The following MCC variants were observed in gnomAD, a reference collection of about 807,000 sequenced individuals.
MCC encodes the protein colorectal mutant cancer protein.
MCC carries 90 observed loss-of-function variants against 116.2 expected under a neutral mutation model. The observed-to-expected ratio is 0.77, with a 90% CI of 0.65 to 0.92. The LOEUF (loss-of-function observed/expected upper bound fraction) is 0.92. MCC is among the 40% of genes least tolerant of loss of function. The pLI, the probability that MCC is intolerant of heterozygous loss-of-function variation, is 0.00. For synonymous variants in MCC, 578 were observed against 510.5 expected (o/e 1.13, Z -1.78); for missense variants, 1,516 against 1,312.2 (o/e 1.16, Z -2.40).
intron 3 of MCC, among the ~76,000 whole-genome samples, chr5:113,247,966 C>A (rs1764638565): frequency 6.6e-6 from 1 of 152,030 alleles, no homozygotes; most frequent in Non-Finnish European, 1.5e-5. Context: ...AAGAGCCTAA[C>A]CTTGAGGGTG....
intron 3 of MCC, among the ~76,000 whole-genome samples, chr5:113,255,703 A>G (rs1410989042): frequency 6.6e-6 from 1 of 152,176 alleles, no homozygotes; most frequent in Non-Finnish European, 1.5e-5. Context: ...TTTCCCACAG[A>G]GCTTTCACTT....
At chr5:113,168,249 G>C (rs1333991548) in intron 3 of MCC, among the ~76,000 whole-genome samples, 1 of 152,150 alleles carries the variant, frequency 6.6e-6, no homozygotes, top group Non-Finnish European at 1.5e-5. Flanking sequence ...GGCAACTAGA[G>C]AGCCATAAAG....
chr5:113,141,934 C>T (rs1382592605), intron 5 of MCC, among the ~76,000 whole-genome samples: 1 of 152,184 alleles, frequency 6.6e-6, no homozygotes, highest in Non-Finnish European at 1.5e-5. Flanking sequence ...GTGTCCTATG[C>T]CAGGCTCCTT....
In MCC at chr5:113,456,315, G is replaced by C. The variant is rs1447822003; in HGVS notation, c.170+31930C>G. ...AGGGGAAATTAAATCCTTTTATATGGGTCGAGTATCTTTTATCTAAAATGC... is the reference window on the plus strand; with the variant it reads ...AGGGGAAATTAAATCCTTTTATATGCGTCGAGTATCTTTTATCTAAAATGC... On this transcript the variant is annotated intron_variant, in intron 1 of 18. Transcript: ENST00000408903. Among the ~76,000 whole-genome samples, 3 of 152,074 alleles carry C rather than the reference G, an allele frequency of 2.0e-5. No homozygotes were observed. In the South Asian group the frequency reaches 6.2e-4, roughly 31 times the overall value.
At chr5:113,142,726 A>C (rs1344883885) in intron 5 of MCC, among the ~76,000 whole-genome samples, 1 of 152,214 alleles carries the variant, frequency 6.6e-6, no homozygotes, top group African/African-American at 2.4e-5. Flanking sequence ...TCAAAATATA[A>C]TCAGATTATC....
chr5:113,262,086 T>C (rs906208078), intron 3 of MCC, among the ~76,000 whole-genome samples: 1 of 152,130 alleles, frequency 6.6e-6, no homozygotes, highest in African/African-American at 2.4e-5. Context: ...AGCTTTTTTT[T>C]AATTTTTATT....
chr5:113,400,244 T>C (rs1769647099), intron 1 of MCC, among the ~76,000 whole-genome samples: 1 of 146,282 alleles, frequency 6.8e-6, no homozygotes, highest in African/African-American at 2.5e-5. Context: ...CGCCTCAGCC[T>C]CCCGAGTAGC....
rs141608272 is a variant in MCC at position 113,047,157 on chromosome 5, TTC to T, written c.2655+1934_2655+1935del. 8.0e-3 allele frequency among the ~76,000 whole-genome samples: 1,223 copies of T among 152,324 alleles called. 14 individuals carry two copies. Among genetic ancestry groups the T allele is most frequent in the African/African-American group, 0.027 (1,132 of 41,572 alleles). On this transcript the variant is annotated intron_variant, in intron 16 of 18. Coordinates refer to ENST00000408903, the MANE Select transcript of MCC (RefSeq NM_001085377.2). ...TCCCAAGTGGACATTTGTGTCTGGCTTCTGTCCTCCCATGGTGCTAAGAATTC... is the reference window on the plus strand; with the variant it reads ...TCCCAAGTGGACATTTGTGTCTGGCTTGTCCTCCCATGGTGCTAAGAATTC...
At chr5:113,218,386 A>G (rs1237405188) in intron 3 of MCC, among the ~76,000 whole-genome samples, 1 of 152,128 alleles carries the variant, frequency 6.6e-6, no homozygotes, top group Non-Finnish European at 1.5e-5. Flanking sequence ...AGGCAAGGGT[A>G]AAGGGCACCT....
chr5:113,371,495 A>G (rs1051628606), intron 2 of MCC, among the ~76,000 whole-genome samples: 3 of 152,240 alleles, frequency 2.0e-5, no homozygotes, highest in Non-Finnish European at 4.4e-5. Flanking sequence ...AATAAATCTG[A>G]CACGGTAATA....
chr5:113,110,154 G>A lies in MCC; in HGVS notation c.1028-5799C>T, dbSNP rs371218787. On this transcript the variant is annotated intron_variant, in intron 6 of 18. Transcript: ENST00000408903. ...AAAGGAAACTGTTCTACATCCAGGA[G>A]ACAGAGAGGAGGCCTTTGGTAGCAA... 3.9e-4 allele frequency among the ~76,000 whole-genome samples: 59 copies of A among 152,214 alleles called. No homozygotes were observed. In the East Asian group the frequency reaches 8.7e-3, roughly 22 times the overall value.
chr5:113,382,778 G>A (rs770398358), intron 2 of MCC, among the ~76,000 whole-genome samples: 4 of 152,098 alleles, frequency 2.6e-5, no homozygotes, highest in Non-Finnish European at 5.9e-5. Context: ...TGAGGAAAAT[G>A]AGACACAGAG....
At chr5:113,211,769 T>A (rs1179797005) in intron 3 of MCC, among the ~76,000 whole-genome samples, 3 of 152,206 alleles carry the variant, frequency 2.0e-5, no homozygotes, top group African/African-American at 7.2e-5. Context: ...CTCCCCTTAA[T>A]TAAAAATAAA....
chr5:113,096,953 G>C (rs926480266), intron 8 of MCC, among the ~76,000 whole-genome samples: 4 of 152,294 alleles, frequency 2.6e-5, no homozygotes, highest in African/African-American at 4.8e-5. Flanking sequence ...CATGCAGCTA[G>C]ATGACAGCTG....
At chr5:113,162,968 A>G (rs1441930308) in intron 3 of MCC, among the ~76,000 whole-genome samples, 1 of 152,222 alleles carries the variant, frequency 6.6e-6, no homozygotes, top group Non-Finnish European at 1.5e-5. Flanking sequence ...CCTAGATCAC[A>G]TTAATCAGAG....
chr5:113,122,831 G>A lies in MCC; in HGVS notation c.885-5C>T. The stretch of plus-strand genomic sequence containing the variant: ...TCTGAGTACTCATCTTCCTCCCTGA[G>A]AAAAAAGGAGAATTGGCAACCACTA... On this transcript the variant is annotated splice_polypyrimidine_tract_variant and splice_region_variant and intron_variant, in intron 5 of 18. Transcript: ENST00000408903. 1.9e-6 allele frequency: 3 copies of A among 1,613,258 alleles called. No individual in the cohort carries two copies. The highest frequency in any genetic ancestry group is 2.5e-6 in the Non-Finnish European group (3 of 1,179,696).
At chr5:113,235,847 A>T (rs1372414836) in intron 3 of MCC, among the ~76,000 whole-genome samples, 1 of 152,138 alleles carries the variant, frequency 6.6e-6, no homozygotes, top group African/African-American at 2.4e-5. Flanking sequence ...TGCAGCTTCA[A>T]CTCTGCAGAA....
chr5:113,214,038 T>C (rs634261), intron 3 of MCC, among the ~76,000 whole-genome samples: 136,449 of 152,184 alleles, frequency 0.9, 62,888 homozygotes, highest in East Asian at 1. Context: ...TTTTTTGCAA[T>C]AGTATTATTG....
intron 1 of MCC, among the ~76,000 whole-genome samples, chr5:113,419,465 G>A (rs1770254770): frequency 6.6e-6 from 1 of 151,898 alleles, no homozygotes; most frequent in East Asian, 1.9e-4. Flanking sequence ...CCAAAGTGCT[G>A]GGATTACGGG....
Sources: allele counts gnomAD v4.1 joint callset (sites outside exome capture counted in the v4.1 genomes callset), GRCh38; gene constraint gnomAD v4.1.1; transcripts MANE v1.5; gene names NCBI Gene and HGNC (gene_info 2026-07-23, HGNC 2026-07-21).